The following DNAH14 variants were observed in gnomAD, a reference collection of about 807,000 sequenced individuals.
DNAH14 encodes axonemal beta dynein heavy chain 14.
Under a neutral mutation model 520.9 loss-of-function variants are expected in DNAH14, and 478 were observed. The ratio of observed to expected loss-of-function variants is 0.92; its 90% CI spans 0.85 to 0.99. The LOEUF (loss-of-function observed/expected upper bound fraction) is 0.99, where lower values mean the gene tolerates loss of function less well. Ranked by LOEUF, DNAH14 falls within the 50% of genes least tolerant of loss-of-function variation. The pLI, the probability that DNAH14 is intolerant of heterozygous loss-of-function variation, is 0.00. For synonymous variants in DNAH14, 1,581 were observed against 1,757.2 expected (o/e 0.90, Z 2.51); for missense variants, 4,831 against 5,234.5 (o/e 0.92, Z 2.38).
intron 75 of DNAH14, among the ~76,000 whole-genome samples, chr1:225,363,715 T>C (rs2095520531): frequency 6.6e-6 from 1 of 151,954 alleles, no homozygotes; most frequent in Non-Finnish European, 1.5e-5. Flanking sequence ...GTGCAGTATT[T>C]GCCTATAATC....
intron 60 of DNAH14, among the ~76,000 whole-genome samples, chr1:225,316,955 T>C (rs2094479737): frequency 6.6e-6 from 1 of 152,266 alleles, no homozygotes; most frequent in Non-Finnish European, 1.5e-5. Context: ...TCATTTTTGA[T>C]AGTTTAGAAG....
intron 71 of DNAH14, among the ~76,000 whole-genome samples, chr1:225,351,331 C>A (rs1432630523): frequency 1.3e-5 from 2 of 152,112 alleles, no homozygotes; most frequent in African/African-American, 2.4e-5. Flanking sequence ...GCAAATGTTG[C>A]AGTGAGCAGT....
chr1:225,240,740 T>A lies in DNAH14; in HGVS notation c.6666T>A (p.Ser2222Arg). The change falls in exon 43 of 86, where the codon AGT becomes AGA. Residue 2222 changes from serine (S) to arginine (R), a missense_variant. Physicochemically the swap from Ser to Arg is moderately radical, Grantham distance 110 (BLOSUM62 -1). Coordinates refer to ENST00000682510, the MANE Select transcript of DNAH14 (RefSeq NM_001367479.1). ...EHRENIPFCP[S>R]LEPDSLAKVT... ...GAGAAAATATACCATTTTGTCCCAGTCTTGAACCTGATTCTCTTGCAAAAG... is the reference window on the plus strand; with the variant it reads ...GAGAAAATATACCATTTTGTCCCAGACTTGAACCTGATTCTCTTGCAAAAG... 1 of 1,550,692 alleles carries A rather than the reference T, an allele frequency of 6.4e-7. No homozygotes were observed. Among genetic ancestry groups the A allele is most frequent in the African/African-American group, 1.4e-5 (1 of 73,152 alleles).
intron 81 of DNAH14, 93 bp from the exon 82 acceptor site, chr1:225,388,286 C>G (rs1298115347): frequency 1.6e-6 from 1 of 623,572 alleles, no homozygotes; most frequent in African/African-American, 1.8e-5. Flanking sequence ...TTCTCCCTGG[C>G]AATTGAGTCT....
intron 44 of DNAH14, among the ~76,000 whole-genome samples, chr1:225,254,005 G>A (rs1356054094): frequency 6.6e-6 from 1 of 152,054 alleles, no homozygotes; most frequent in African/African-American, 2.4e-5. Flanking sequence ...TATGACTAGA[G>A]GTGAATCATG....
rs2094293710 is a variant in DNAH14 at position 225,308,427 on chromosome 1, G to T, written c.9240+17G>T. 6.7e-7 allele frequency: 1 copy of T among 1,501,892 alleles called. No homozygotes were observed. Among genetic ancestry groups the T allele is most frequent in the Admixed American group, 2.8e-5 (1 of 36,130 alleles). The allele number at this position is 1,501,892 out of a possible 1,614,324, so 93.0% of individuals were successfully genotyped here. Reference sequence around the variant, plus strand: ...TATGCTCAGGTAAAATTAAAATATTGTCAATAAAAATAATTTGGAGATTTG... The same window carrying T: ...TATGCTCAGGTAAAATTAAAATATTTTCAATAAAAATAATTTGGAGATTTG... On this transcript the variant is annotated intron_variant, in intron 60 of 85. Transcript: ENST00000682510.
intron 1 of DNAH14, among the ~76,000 whole-genome samples, chr1:224,935,599 C>T (rs1202804957): frequency 3.3e-5 from 5 of 151,744 alleles, no homozygotes; most frequent in African/African-American, 7.2e-5. Flanking sequence ...GCTATAAAGA[C>T]TGCCATACAA....
intron 55 of DNAH14, among the ~76,000 whole-genome samples, chr1:225,295,689 G>A (rs2093991020): frequency 6.6e-6 from 1 of 152,148 alleles, no homozygotes; most frequent in Admixed American, 6.5e-5. Context: ...CATGCAGAAT[G>A]TTCCGTGTGC....
rs902069856 is a variant in DNAH14, at chr1:224,992,463, A to G, written c.831-10320A>G. ...GATTAAATTTATTCCTAAGTATTTT[A>G]TTATTTTTTGTGTGGCTATTTAAAT... On this transcript the variant is annotated intron_variant, in intron 8 of 85. Transcript: ENST00000682510. Among the ~76,000 whole-genome samples the G allele has an allele frequency of 2.0e-5, 3 of 151,920 alleles. No individual in the cohort carries two copies. In the South Asian group the frequency reaches 6.2e-4, roughly 32 times the overall value.
At chr1:224,993,423 G>T (rs895307010) in intron 8 of DNAH14, among the ~76,000 whole-genome samples, 7 of 151,794 alleles carry the variant, frequency 4.6e-5, no homozygotes, top group Non-Finnish European at 1.0e-4. Flanking sequence ...ATTAAGTCTG[G>T]GTAGGTGATA....
chr1:225,138,300 C>T (rs536253678), intron 27 of DNAH14, among the ~76,000 whole-genome samples: 9 of 152,360 alleles, frequency 5.9e-5, no homozygotes, highest in African/African-American at 2.2e-4. Context: ...GCTGCAACAG[C>T]CGTTTCCCCC....
intron 35 of DNAH14, among the ~76,000 whole-genome samples, chr1:225,163,017 A>G (rs1233707671): frequency 1.3e-5 from 2 of 151,904 alleles, no homozygotes; most frequent in Non-Finnish European, 2.9e-5. Flanking sequence ...ACATGCCTGT[A>G]ATCCCAGCTA....
intron 12 of DNAH14, 136 bp downstream of exon 12, chr1:225,038,959 T>TAGCTGCTCCCACTGTA: frequency 1.5e-6 from 1 of 673,858 alleles, no homozygotes; most frequent in Middle Eastern, 4.3e-4. Context: ...CACACACACT[T>TAGCTGCTCCCACTGTA]AGCTGCTCCC....
chr1:225,290,653 A>ATGTG (rs1558282451), intron 55 of DNAH14, among the ~76,000 whole-genome samples: 510 of 32,500 alleles, frequency 0.016, 36 homozygotes, highest in African/African-American at 0.069. Flanking sequence ...GTGTGTATAT[A>ATGTG]TATATATATA....
chr1:224,968,683 A>T, intron 6 of DNAH14, 76 bp from the exon 7 acceptor site: 3 of 931,932 alleles, frequency 3.2e-6, no homozygotes, highest in Non-Finnish European at 4.6e-6. Context: ...AGCCAAATAC[A>T]GGCTTTCTTA....
chr1:225,113,581 C>T (rs75229902), intron 23 of DNAH14, among the ~76,000 whole-genome samples: 2 of 152,134 alleles, frequency 1.3e-5, no homozygotes, highest in Non-Finnish European at 2.9e-5. Flanking sequence ...GTGAGTTCCC[C>T]CTGGGCCCTG....
rs113049764 is a variant in DNAH14 at position 224,952,966 on chromosome 1, T to A, written c.77+187T>A. 677 of 397,782 alleles carry A rather than the reference T, an allele frequency of 1.7e-3. 6 individuals carry two copies. Among genetic ancestry groups the A allele is most frequent in the African/African-American group, 0.013 (623 of 47,906 alleles). The allele number at this position is 397,782 out of a possible 1,614,324, so 24.6% of individuals were successfully genotyped here. On this transcript the variant is annotated intron_variant, in intron 2 of 85. Transcript: ENST00000682510. ...TCTGATAAGACAGGCAAATTAACCC[T>A]GGTTGTTGGCTCCTTCCCCCAGACC... is the stretch of plus-strand genomic sequence containing the variant.
chr1:225,005,136 G>C (rs1406499285), intron 9 of DNAH14, among the ~76,000 whole-genome samples: 4 of 152,088 alleles, frequency 2.6e-5, no homozygotes, highest in African/African-American at 9.7e-5. Context: ...TAGAGAGATT[G>C]CCACTTATCC....
Position 224,974,077 on chromosome 1 carries a change from A to AT in DNAH14, c.768-9dup. The AT allele has an allele frequency of 6.7e-7, 1 of 1,483,896 alleles. No individual in the cohort carries two copies. Among genetic ancestry groups the AT allele is most frequent in the Non-Finnish European group, 9.0e-7 (1 of 1,110,780 alleles). The allele number at this position is 1,483,896 out of a possible 1,614,324, so 91.9% of individuals were successfully genotyped here. On this transcript the variant is annotated splice_polypyrimidine_tract_variant and intron_variant, in intron 7 of 85. Transcript: ENST00000682510. ...TTTATGGATATGGAATATAAGAAGCATTTTTCCTTTCAGAATGAATAAAGC... is the reference window on the plus strand; with the variant it reads ...TTTATGGATATGGAATATAAGAAGCATTTTTTCCTTTCAGAATGAATAAAGC...
Sources: allele counts gnomAD v4.1 joint callset (sites outside exome capture counted in the v4.1 genomes callset), GRCh38; gene constraint gnomAD v4.1.1; transcripts MANE v1.5; gene names NCBI Gene and HGNC (gene_info 2026-07-23, HGNC 2026-07-21).